Variants in CRLF2 observed in about 807,000 individuals in gnomAD.
CRLF2 encodes the protein cytokine receptor-like factor 2.
In CRLF2, 41 loss-of-function variants were observed where a neutral mutation model predicts 38.7. The ratio of observed to expected loss-of-function variants is 1.06; its 90% confidence interval spans 0.83 to 1.37. CRLF2 has a LOEUF of 1.37. Among genes scored for constraint, CRLF2 ranks in the 40% most tolerant of loss-of-function variants. The pLI is 0.00. For synonymous variants in CRLF2, 140 were observed against 128.8 expected, an observed-to-expected ratio of 1.09 and a Z score of -0.59; for missense variants, 377 against 322.2, an observed-to-expected ratio of 1.17 and a Z score of -1.30.
intron 6 of CRLF2, among the ~76,000 whole-genome samples, chrX:1,196,078 T>G (rs1348274410): frequency 0.73 from 106,357 of 146,290 alleles, 38,860 homozygotes; most frequent in East Asian, 0.84. Flanking sequence ...GTGGGGTTTC[T>G]TCATGTTGGC....
intron 6 of CRLF2, among the ~76,000 whole-genome samples, chrX:1,194,902 C>A (rs1335880819): frequency 6.0e-5 from 9 of 151,248 alleles, no homozygotes; most frequent in Non-Finnish European, 1.3e-4. Context: ...TGTGGTGGCG[C>A]GCACCTGTAG....
chrX:1,209,606 C>T (rs1481109845), intron 1 of CRLF2, among the ~76,000 whole-genome samples: 2 of 152,070 alleles, frequency 1.3e-5, no homozygotes, highest in Non-Finnish European at 2.9e-5. Flanking sequence ...GCTGAGATTG[C>T]AGGCGTGAGC....
chrX:1,199,351 C>G (rs1326710987), intron 4 of CRLF2, among the ~76,000 whole-genome samples: 1 of 151,846 alleles, frequency 6.6e-6, no homozygotes, highest in Non-Finnish European at 1.5e-5. Flanking sequence ...GTTGCCCAGG[C>G]TGGAGTGCAG....
intron 1 of CRLF2, among the ~76,000 whole-genome samples, chrX:1,209,158 G>C (rs1411855114): frequency 2.6e-5 from 4 of 151,604 alleles, no homozygotes; most frequent in Non-Finnish European, 5.9e-5. Flanking sequence ...TAGTAGAGAC[G>C]GGGTTTCACC....
intron 4 of CRLF2, among the ~76,000 whole-genome samples, chrX:1,200,160 T>C (rs1395342671): frequency 6.6e-6 from 1 of 151,708 alleles, no homozygotes; most frequent in African/African-American, 2.4e-5. Flanking sequence ...TGTGTATATA[T>C]ACCTGTATAT....
At chrX:1,200,316 T>C (rs1255394576) in intron 4 of CRLF2, among the ~76,000 whole-genome samples, 2 of 111,888 alleles carry the variant, frequency 1.8e-5, no homozygotes, top group African/African-American at 2.9e-5. Context: ...TGTGCACATA[T>C]GTGTGTATAT....
intron 6 of CRLF2, among the ~76,000 whole-genome samples, chrX:1,194,967 G>T (rs1416517226): frequency 6.6e-6 from 1 of 152,120 alleles, no homozygotes; most frequent in African/African-American, 2.4e-5. Flanking sequence ...GGGAGGCGGA[G>T]GTGGCAGTGA....
At chrX:1,197,075 G>A (rs868586723) in intron 5 of CRLF2, among the ~76,000 whole-genome samples, 175 bp from the exon 6 acceptor site, 4 of 146,238 alleles carry the variant, frequency 2.7e-5, no homozygotes, top group South Asian at 2.2e-4. Flanking sequence ...GTAAATATTC[G>A]TGTCAGCAAA....
rs752540078 is a variant in CRLF2, at chrX:1,198,572, G to C, written c.636C>G (p.Gly212=). Residue 212 remains glycine, a synonymous_variant, in exon 5 of 8, where the codon GGC becomes GGG. Transcript: ENST00000400841. ...CGTAACAAGCATTACCCCGAATCTC[G>C]CCTCTCTGCCAGCATGTCACCTCTG... The part of the protein sequence containing the change: ...DWSEVTCWQR[G]EIRDACAETP... 9 of 1,613,556 alleles carry C rather than the reference G, an allele frequency of 5.6e-6. No individual in the cohort carries two copies. The highest frequency in any genetic ancestry group is 7.6e-6 in the Non-Finnish European group (9 of 1,179,654).
intron 7 of CRLF2, among the ~76,000 whole-genome samples, 161 bp from the exon 8 acceptor site, chrX:1,191,321 C>T (rs1228432256): frequency 8.7e-6 from 1 of 114,768 alleles, no homozygotes; most frequent in Non-Finnish European, 1.8e-5. Context: ...TTCTTTCTTT[C>T]TTTCTTTCTT....
chrX:1,191,386 CTCTT>C (rs1466688068), intron 7 of CRLF2, among the ~76,000 whole-genome samples: 10 of 72,032 alleles, frequency 1.4e-4, no homozygotes, highest in African/African-American at 4.7e-4. Context: ...CTTTCTTTCT[CTCTT>C]TCTCTCTTTC....
intron 4 of CRLF2, among the ~76,000 whole-genome samples, chrX:1,200,999 G>A (rs1158536524): frequency 1.3e-5 from 2 of 151,930 alleles, no homozygotes; most frequent in African/African-American, 2.4e-5. Flanking sequence ...CACCTAGCTG[G>A]TCTAGCCTGC....
chrX:1,206,345 G>A, intron 3 of CRLF2, 88 bp downstream of exon 3: 3 of 1,177,074 alleles, frequency 2.5e-6, no homozygotes, highest in Non-Finnish European at 3.8e-6. Flanking sequence ...TGGATCCGGC[G>A]ATTTGCATGA....
chrX:1,198,194 A>AGT, intron 5 of CRLF2, among the ~76,000 whole-genome samples: 1 of 122,890 alleles, frequency 8.1e-6, no homozygotes, highest in Non-Finnish European at 1.7e-5. Flanking sequence ...CCAGGAAGGC[A>AGT]GGACACCCTC....
At chrX:1,210,599 A>T (rs1376007039) in intron 1 of CRLF2, among the ~76,000 whole-genome samples, 8 of 152,164 alleles carry the variant, frequency 5.3e-5, no homozygotes, top group Non-Finnish European at 1.2e-4. Flanking sequence ...CATGAGCCAC[A>T]GCGCCCGGCC....
chrX:1,201,340 CTGTG>C (rs781871855), intron 4 of CRLF2, among the ~76,000 whole-genome samples: 3 of 149,970 alleles, frequency 2.0e-5, no homozygotes, highest in Admixed American at 1.3e-4. Flanking sequence ...GTTTGTGTGT[CTGTG>C]TGTGTGTGTG....
chrX:1,195,982 AT>A (rs1175524222), intron 6 of CRLF2, among the ~76,000 whole-genome samples: 5 of 138,858 alleles, frequency 3.6e-5, no homozygotes, highest in African/African-American at 1.0e-4. Context: ...TATTATATAT[AT>A]TTTTATATAT....
chrX:1,212,005 G>T (rs2086811828), intron 1 of CRLF2, among the ~76,000 whole-genome samples: 1 of 151,616 alleles, frequency 6.6e-6, no homozygotes, highest in Non-Finnish European at 1.5e-5. Flanking sequence ...CTGGGTGGAT[G>T]GTGGATGGAT....
intron 1 of CRLF2, among the ~76,000 whole-genome samples, chrX:1,211,633 GTGGA>G (rs1204699923): frequency 2.2e-5 from 2 of 92,786 alleles, no homozygotes; most frequent in Non-Finnish European, 4.1e-5. Flanking sequence ...GGATGGATGG[GTGGA>G]TGGATGGATG....
Sources: allele counts gnomAD v4.1 joint callset (sites outside exome capture counted in the v4.1 genomes callset), GRCh38; gene constraint gnomAD v4.1.1; transcripts MANE v1.5; gene names NCBI Gene and HGNC (gene_info 2026-07-23, HGNC 2026-07-21).